Variants in TSEN15 observed in about 807,000 individuals in gnomAD.
TSEN15 encodes the protein tRNA-splicing endonuclease subunit Sen15.
In TSEN15, 10 loss-of-function variants were observed where a neutral mutation model predicts 20.5. The ratio of observed to expected loss-of-function variants is 0.49; its 90% CI spans 0.30 to 0.83. The LOEUF is 0.83. Ranked by LOEUF, TSEN15 falls within the 40% of genes least tolerant of loss-of-function variation. The pLI, the probability that TSEN15 is intolerant of heterozygous loss-of-function variation, is 0.06. For synonymous variants in TSEN15, 72 were observed against 80.1 expected, an observed-to-expected ratio of 0.90 and a Z score of 0.54; for missense variants, 180 against 218.6, an observed-to-expected ratio of 0.82 and a Z score of 1.11.
chr1:184,054,451 A>G lies in TSEN15; in HGVS notation c.217+16A>G, dbSNP rs1650167694. On this transcript the variant is annotated intron_variant, in intron 2 of 4. Transcript: ENST00000645668. ...CTCATGGAAAGTAAGTTGTTTGTTT[A>G]TATTGTTTTGTTATTGGGACTGTGG... is the stretch of plus-strand genomic sequence containing the variant. The G allele has an allele frequency of 6.3e-7, 1 of 1,590,804 alleles. No individual in the cohort carries two copies. The highest frequency in any genetic ancestry group is 1.1e-5 in the South Asian group (1 of 89,792).
chr1:184,078,676 T>C (rs551400483), downstream of TSEN15, among the ~76,000 whole-genome samples: 1 of 152,312 alleles, frequency 6.6e-6, no homozygotes, highest in East Asian at 1.9e-4. Flanking sequence ...CTAAACACCA[T>C]AGATCTCTTG....
rs572222991 is a variant in TSEN15, at chr1:184,067,656, G to A, written c.354-4501G>A. 1.4e-3 allele frequency among the ~76,000 whole-genome samples: 211 copies of A among 151,980 alleles called. 3 individuals are homozygous for A. The highest frequency in any genetic ancestry group is 4.7e-3 in the African/African-American group (197 of 41,488). On this transcript the variant is annotated intron_variant, in intron 3 of 4. Coordinates refer to ENST00000645668, the MANE Select transcript of TSEN15 (RefSeq NM_052965.4). ...AAATCTGCCAGGCACAGTGGCTCAC[G>A]CCTGTAATCCCAGCACTTTGGGAGG...
chr1:184,067,941 A>AAAAAAT (rs1400681024), intron 3 of TSEN15, among the ~76,000 whole-genome samples: 22 of 95,572 alleles, frequency 2.3e-4, no homozygotes, highest in East Asian at 5.8e-4. Flanking sequence ...AAAAAAAAAA[A>AAAAAAT]ATATATATAT....
At chr1:184,086,711 A>T (rs1328727486) in intron 3 of TSEN15, among the ~76,000 whole-genome samples, 1 of 152,160 alleles carries the variant, frequency 6.6e-6, no homozygotes, top group Admixed American at 6.5e-5. Context: ...GGCTTCACTC[A>T]GAGCGAATGA....
chr1:184,071,940 C>T (rs1650897173), intron 3 of TSEN15: 1 of 445,970 alleles, frequency 2.2e-6, no homozygotes, highest in African/African-American at 2.0e-5. Context: ...ATACCATTCT[C>T]TTTCCTTTCC....
chr1:184,055,092 G>C, intron 3 of TSEN15: 1 of 439,424 alleles, frequency 2.3e-6, no homozygotes, highest in Admixed American at 3.7e-5. Flanking sequence ...AGAGGTTTAA[G>C]TGGCTCATAG....
At chr1:184,089,454 G>A (rs1410719147) in intron 3 of TSEN15, among the ~76,000 whole-genome samples, 1 of 152,048 alleles carries the variant, frequency 6.6e-6, no homozygotes, top group Non-Finnish European at 1.5e-5. Context: ...CCCCTTTTAG[G>A]CACCTAAAAC....
intron 3 of TSEN15, among the ~76,000 whole-genome samples, chr1:184,081,452 C>A (rs1168133051): frequency 6.6e-6 from 1 of 152,176 alleles, no homozygotes; most frequent in Non-Finnish European, 1.5e-5. Context: ...CCATGTTACT[C>A]CTGTCCACGT....
intron 3 of TSEN15, among the ~76,000 whole-genome samples, chr1:184,059,315 A>G (rs1442114328): frequency 6.6e-6 from 1 of 152,196 alleles, no homozygotes; most frequent in Non-Finnish European, 1.5e-5. Flanking sequence ...CCTACCTAGC[A>G]TGGTGTCTAG....
rs1313984065 is a variant in TSEN15, at chr1:184,051,800, C to T, written c.45C>T (p.Gly15=). Reference sequence around the variant, plus strand: ...CCGAGCCGACCCCCGGCTGCAGCGGCCTGGGTCCGGGCGGTGTTCGCGGCT... The same window carrying T: ...CCGAGCCGACCCCCGGCTGCAGCGGTCTGGGTCCGGGCGGTGTTCGCGGCT... ...GDSEPTPGCS[G]LGPGGVRGFG... is the part of the protein sequence containing the mutation. The change falls in exon 1 of 5, where the codon GGC becomes GGT. Residue 15 remains glycine, a synonymous_variant. Coordinates refer to ENST00000645668, the MANE Select transcript of TSEN15 (RefSeq NM_052965.4). The T allele has an allele frequency of 2.6e-6, 4 of 1,531,616 alleles. No individual in the cohort carries two copies. In the Admixed American group the frequency reaches 8.0e-5, roughly 31 times the overall value. 94.9% of individuals were successfully genotyped at this position (1,531,616 alleles called of 1,614,324 possible).
At chr1:184,071,998 C>T (rs1006403994) in intron 3 of TSEN15, 159 bp from the exon 4 acceptor site, 2 of 608,548 alleles carry the variant, frequency 3.3e-6, no homozygotes, top group Admixed American at 3.4e-5. Flanking sequence ...TGATACTATA[C>T]CAGAAGACTC....
chr1:184,065,106 T>C (rs569780062), intron 3 of TSEN15, among the ~76,000 whole-genome samples: 1 of 152,236 alleles, frequency 6.6e-6, no homozygotes, highest in South Asian at 2.1e-4. Context: ...CTTCTGTCGT[T>C]TTCTTTTTGT....
chr1:184,059,502 G>A (rs922370333), intron 3 of TSEN15, among the ~76,000 whole-genome samples: 2 of 152,162 alleles, frequency 1.3e-5, no homozygotes, highest in Admixed American at 6.5e-5. Context: ...CTAATGAATA[G>A]CCTTGTGAGT....
intron 3 of TSEN15, among the ~76,000 whole-genome samples, chr1:184,068,148 A>C (rs1253673419): frequency 1.3e-5 from 2 of 150,992 alleles, no homozygotes; most frequent in African/African-American, 2.4e-5. Context: ...CCTTGGGAAA[A>C]GGACTTATAT....
downstream of TSEN15, among the ~76,000 whole-genome samples, chr1:184,076,574 C>T (rs1173177710): frequency 5.3e-5 from 8 of 152,168 alleles, no homozygotes; most frequent in Middle Eastern, 3.4e-3. Context: ...AAGCTAGAAA[C>T]GATTACACTT....
At chr1:184,054,598 T>C (rs1258163980) in intron 2 of TSEN15, 130 bp from the exon 3 acceptor site, 1 of 1,231,994 alleles carries the variant, frequency 8.1e-7, no homozygotes, top group Non-Finnish European at 1.1e-6. Context: ...TAACAGAAGC[T>C]ACTAGAAAAG....
intron 3 of TSEN15, among the ~76,000 whole-genome samples, chr1:184,089,051 T>C (rs1191904726): frequency 6.6e-6 from 1 of 152,250 alleles, no homozygotes; most frequent in Non-Finnish European, 1.5e-5. Flanking sequence ...CAGCAGATTC[T>C]TGTGAAGTGG....
intron 3 of TSEN15, among the ~76,000 whole-genome samples, chr1:184,060,826 T>C (rs1393878052): frequency 6.6e-6 from 1 of 152,180 alleles, no homozygotes; most frequent in African/African-American, 2.4e-5. Context: ...TTATTGGTTT[T>C]TAAAAAGATT....
intron 3 of TSEN15, among the ~76,000 whole-genome samples, chr1:184,091,067 C>T (rs1261356024): frequency 1.3e-5 from 2 of 152,146 alleles, no homozygotes; most frequent in Non-Finnish European, 2.9e-5. Flanking sequence ...ATCACCTTTA[C>T]GGAAACGTCA....
Sources: allele counts gnomAD v4.1 joint callset (sites outside exome capture counted in the v4.1 genomes callset), GRCh38; gene constraint gnomAD v4.1.1; transcripts MANE v1.5; gene names NCBI Gene and HGNC (gene_info 2026-07-23, HGNC 2026-07-21).